MAML2: variants seen among roughly 807,000 people sequenced by gnomAD.
MAML2 encodes the protein mastermind-like protein 2.
Under a neutral mutation model 96.1 loss-of-function variants are expected in MAML2, and 22 were observed. That is an observed-to-expected ratio of 0.23 (90% CI 0.16 to 0.33). MAML2 has a LOEUF of 0.33. MAML2 is among the 10% of genes least tolerant of loss of function. The pLI, the probability that MAML2 is intolerant of heterozygous loss-of-function variation, is 1.00. For synonymous variants in MAML2, 561 were observed against 521.3 expected, an observed-to-expected ratio of 1.08 and a Z score of -1.04; for missense variants, 1,367 against 1,392.4, an observed-to-expected ratio of 0.98 and a Z score of 0.29.
intron 1 of MAML2, among the ~76,000 whole-genome samples, chr11:96,170,536 TAC>T (rs1276408677): frequency 6.6e-6 from 1 of 152,204 alleles, no homozygotes; most frequent in Non-Finnish European, 1.5e-5. Context: ...CCTTGAACAC[TAC>T]ATTTTGACAG....
intron 2 of MAML2, among the ~76,000 whole-genome samples, chr11:96,020,297 C>T (rs918733213): frequency 3.3e-5 from 5 of 152,206 alleles, no homozygotes; most frequent in Admixed American, 3.3e-4. Flanking sequence ...CAACTCTCTT[C>T]TGCCCAGGAC....
chr11:96,191,640 C>T (rs901821829), intron 1 of MAML2, among the ~76,000 whole-genome samples: 2 of 151,218 alleles, frequency 1.3e-5, no homozygotes, highest in Non-Finnish European at 2.9e-5. Context: ...GGCATGGTGG[C>T]GGGCGCCGGT....
intron 1 of MAML2, among the ~76,000 whole-genome samples, chr11:96,318,869 A>G (rs1047951212): frequency 1.3e-5 from 2 of 152,232 alleles, no homozygotes; most frequent in African/African-American, 4.8e-5. Context: ...AGGACATGGT[A>G]ACCTGGGCTA....
chr11:95,977,839 G>A lies in MAML2; in HGVS notation c.*1109C>T, dbSNP rs1007361686. 2.7e-5 allele frequency: 6 copies of A among 226,044 alleles called. No individual in the cohort carries two copies. The highest frequency in any genetic ancestry group is 4.4e-5 in the Non-Finnish European group (5 of 113,502). The allele number at this position is 226,044 out of a possible 1,614,324, so 14.0% of individuals were successfully genotyped here. ...AAATCCAAATAATACGTCCAATGAA[G>A]GACAAATTGTTTTCCCTCTTGATTA... On this transcript the variant is annotated 3_prime_UTR_variant, in exon 5 of 5. Coordinates refer to ENST00000524717, the MANE Select transcript of MAML2 (RefSeq NM_032427.4).
Position 96,235,895 on chromosome 11 carries a change from A to T in MAML2, c.513+105488T>A, listed in dbSNP as rs1246381798. Among the ~76,000 whole-genome samples the T allele has an allele frequency of 3.9e-5, 6 of 152,204 alleles. No homozygotes were observed. In the East Asian group the frequency reaches 9.6e-4, roughly 24 times the overall value. On this transcript the variant is annotated intron_variant, in intron 1 of 4. Transcript: ENST00000524717. ...GTTAGAGCTGGAGAGAGAACTATAA[A>T]CAGCAGTAAAATCTGTTTTAGACAA...
At chr11:96,302,585 T>A (rs1270296364) in intron 1 of MAML2, among the ~76,000 whole-genome samples, 1 of 152,246 alleles carries the variant, frequency 6.6e-6, no homozygotes, top group Non-Finnish European at 1.5e-5. Context: ...GATTCTCCCC[T>A]GAGGAGGTTC....
intron 1 of MAML2, among the ~76,000 whole-genome samples, chr11:96,203,081 T>C (rs1193045526): frequency 6.6e-6 from 1 of 152,154 alleles, no homozygotes; most frequent in Non-Finnish European, 1.5e-5. Context: ...CAATTGCAAA[T>C]GTAACATATC....
At chr11:96,338,001 T>G (rs1863940716) in intron 1 of MAML2, among the ~76,000 whole-genome samples, 2 of 152,218 alleles carry the variant, frequency 1.3e-5, no homozygotes, top group Non-Finnish European at 2.9e-5. Flanking sequence ...TGATCTACTT[T>G]CTTTCCTCCA....
chr11:96,329,931 C>T (rs1203884714), intron 1 of MAML2, among the ~76,000 whole-genome samples: 3 of 152,194 alleles, frequency 2.0e-5, no homozygotes, highest in Non-Finnish European at 4.4e-5. Context: ...CTTCTGTGAC[C>T]TAGAAGATCG....
chr11:96,092,144 CTGT>C lies in MAML2; in HGVS notation c.1884_1886del (p.Gln633del), dbSNP rs1475327648. 4 of 1,549,800 alleles carry C rather than the reference CTGT, an allele frequency of 2.6e-6. No individual in the cohort carries two copies. Among genetic ancestry groups the C allele is most frequent in the Non-Finnish European group, 3.5e-6 (4 of 1,146,418 alleles). ...CTGAAATTGAGCTCTGCTGCTGTTGCTGTTGTTGAGCTGAAATTGAACTCTGCT... is the reference window on the plus strand; with the variant it reads ...CTGAAATTGAGCTCTGCTGCTGTTGCTGTTGAGCTGAAATTGAACTCTGCT... On this transcript the variant is annotated inframe_deletion, in exon 2 of 5. Coordinates refer to ENST00000524717, the MANE Select transcript of MAML2 (RefSeq NM_032427.4). The surrounding 1 kb of genome is among the most constrained non-coding windows in gnomAD (Gnocchi z 4.1).
chr11:96,197,436 C>T (rs905546848), intron 1 of MAML2, among the ~76,000 whole-genome samples: 1 of 152,134 alleles, frequency 6.6e-6, no homozygotes, highest in African/African-American at 2.4e-5. Flanking sequence ...GGCTGGGAGG[C>T]AATCCAAGTA....
chr11:96,220,329 G>A (rs16923343), intron 1 of MAML2, among the ~76,000 whole-genome samples: 4,325 of 152,158 alleles, frequency 0.028, 233 homozygotes, highest in African/African-American at 0.099. Flanking sequence ...CTTGTGCTCT[G>A]CTTGGGATTA....
At chr11:96,244,215 A>G (rs1259538109) in intron 1 of MAML2, among the ~76,000 whole-genome samples, 1 of 152,236 alleles carries the variant, frequency 6.6e-6, no homozygotes, top group African/African-American at 2.4e-5. Context: ...AGGGTAAGAC[A>G]TCTGCCTTAA....
chr11:96,255,110 G>A (rs997290078), intron 1 of MAML2, among the ~76,000 whole-genome samples: 2 of 152,112 alleles, frequency 1.3e-5, no homozygotes, highest in South Asian at 2.1e-4. Context: ...GATTACAGGC[G>A]CAAGTTACCA....
At chr11:96,073,668 A>G (rs1002373493) in intron 2 of MAML2, among the ~76,000 whole-genome samples, 3 of 152,110 alleles carry the variant, frequency 2.0e-5, no homozygotes, top group Non-Finnish European at 4.4e-5. Context: ...CCGATCTACT[A>G]TCTTGGGTGG....
intron 1 of MAML2, among the ~76,000 whole-genome samples, chr11:96,296,101 T>C (rs923821904): frequency 2.4e-4 from 36 of 152,282 alleles, no homozygotes; most frequent in African/African-American, 8.4e-4. Flanking sequence ...GAGGCCTTGC[T>C]ACATTTCCCA....
intron 1 of MAML2, among the ~76,000 whole-genome samples, chr11:96,257,532 C>A (rs1028002962): frequency 6.6e-6 from 1 of 152,218 alleles, no homozygotes; most frequent in Non-Finnish European, 1.5e-5. Flanking sequence ...ACTTCCCTTT[C>A]AAGGTATTTG....
chr11:96,212,395 A>G (rs1224959449), intron 1 of MAML2, among the ~76,000 whole-genome samples: 1 of 152,072 alleles, frequency 6.6e-6, no homozygotes, highest in Non-Finnish European at 1.5e-5. Flanking sequence ...TAACACATTT[A>G]AGGGTTTACC....
chr11:96,326,332 G>C (rs1297582010), intron 1 of MAML2, among the ~76,000 whole-genome samples: 2 of 150,486 alleles, frequency 1.3e-5, no homozygotes, highest in Non-Finnish European at 2.9e-5. Context: ...TGTAGCACTG[G>C]AACTCTATTT....
Sources: allele counts gnomAD v4.1 joint callset (sites outside exome capture counted in the v4.1 genomes callset), GRCh38; gene constraint gnomAD v4.1.1; non-coding constraint Gnocchi (gnomAD v3.1); transcripts MANE v1.5; gene names NCBI Gene and HGNC (gene_info 2026-07-23, HGNC 2026-07-21).